CDH3: variants seen among roughly 807,000 people sequenced by gnomAD.
CDH3 encodes the protein cadherin 3, also known as cadherin-3.
A neutral mutation model predicts 82.0 loss-of-function variants in CDH3; 54 were observed. That is an observed-to-expected ratio of 0.66 (90% CI 0.53 to 0.83). CDH3 has a LOEUF of 0.83. CDH3 is among the 40% of genes least tolerant of loss of function. The probability of loss-of-function intolerance (pLI) is 0.00; values close to 1 mark genes in which losing one functional copy is unlikely to be tolerated. For missense variants in CDH3, 1,054 were observed against 1,084.6 expected, an observed-to-expected ratio of 0.97 and a Z score of 0.40; for synonymous variants, 446 against 437.9, an observed-to-expected ratio of 1.02 and a Z score of -0.23.
chr16:68,731,786 C>T (rs1962296178), downstream of CDH3, among the ~76,000 whole-genome samples: 3 of 151,740 alleles, frequency 2.0e-5, no homozygotes. Flanking sequence ...TGCAGTGAGC[C>T]GAGATTGGGC....
In CDH3 at chr16:68,678,804, G is replaced by T; in HGVS notation, c.589G>T (p.Asp197Tyr). The change falls in exon 6 of 16, where the codon GAC becomes TAC. Residue 197 changes from aspartate to tyrosine, a missense_variant. Transcript: ENST00000264012. ...GTCAGAGAATGGTGCCTCAGTGGAG[G>T]ACCCCATGAACATCTCCATCATCGT... ...AVSENGASVE[D>Y]PMNISIIVTD... 6.2e-7 allele frequency: 1 copy of T among 1,614,144 alleles called. No homozygotes were observed. The highest frequency in any genetic ancestry group is 8.5e-7 in the Non-Finnish European group (1 of 1,180,010).
chr16:68,702,029 A>G (rs1302569920), downstream of CDH3, among the ~76,000 whole-genome samples: 2 of 151,712 alleles, frequency 1.3e-5, no homozygotes, highest in African/African-American at 4.8e-5. Context: ...CATCTAAAAA[A>G]TATATATATC....
chr16:68,691,904 G>A lies in CDH3; in HGVS notation c.1980G>A (p.Leu660=), dbSNP rs745694675. The change falls in exon 13 of 16, where the codon CTG becomes CTA. Residue 660 remains leucine (L), a synonymous_variant. Coordinates refer to ENST00000264012, the MANE Select transcript of CDH3 (RefSeq NM_001793.6). ...PWKGGFILPV[L]GAVLALLFLL... ...AGGGAGGTTTCATCCTCCCTGTGCT[G>A]GGGGCTGTCCTGGCTCTGCTGTGTG... 11 of 1,612,714 alleles carry A rather than the reference G, an allele frequency of 6.8e-6. No individual in the cohort carries two copies. In the African/African-American group the frequency reaches 1.5e-4, roughly 22 times the overall value.
chr16:68,704,404 C>T (rs533670210), downstream of CDH3, among the ~76,000 whole-genome samples: 4 of 152,196 alleles, frequency 2.6e-5, no homozygotes, highest in South Asian at 4.1e-4. Flanking sequence ...CCTGCTAGCG[C>T]TCCCTTGGTG....
intron 2 of CDH3, chr16:68,646,037 G>T: frequency 4.3e-6 from 2 of 467,218 alleles, no homozygotes; most frequent in South Asian, 5.4e-5. Context: ...TCTCGACGTG[G>T]GAAGTTCTCC....
At chr16:68,701,822 G>A (rs7500768), downstream of CDH3, among the ~76,000 whole-genome samples, 22,089 of 151,530 alleles carry the variant, frequency 0.15, 1,621 homozygotes, top group Non-Finnish European at 0.17. Context: ...TCAGGAGTTC[G>A]AGACCAGCCT....
intron 9 of CDH3, among the ~76,000 whole-genome samples, chr16:68,682,734 C>T (rs1961268410): frequency 6.6e-6 from 1 of 152,188 alleles, no homozygotes; most frequent in African/African-American, 2.4e-5. Context: ...AGCCTCCTCC[C>T]AGACCACAGT....
chr16:68,687,592 C>T lies in CDH3; in HGVS notation c.1651C>T (p.Arg551Cys), dbSNP rs1347722198. The change falls in exon 12 of 16, where the codon CGT becomes TGT. Residue 551 changes from arginine (R) to cysteine (C), a missense_variant. Coordinates refer to ENST00000264012, the MANE Select transcript of CDH3 (RefSeq NM_001793.6). ...TGACCATGGCCCAGTCCCTGAGCCC[C>T]GTCAGATCACCATCTGCAACCAAAG... ...VNDHGPVPEP[R>C]QITICNQSPV... The T allele has an allele frequency of 5.0e-5, 80 of 1,613,992 alleles. No homozygotes were observed. Among genetic ancestry groups the T allele is most frequent in the East Asian group, 8.9e-5 (4 of 44,888 alleles).
chr16:68,682,265 C>A, intron 8 of CDH3, 37 bp from the exon 9 acceptor site: 6 of 1,602,942 alleles, frequency 3.7e-6, no homozygotes, highest in Non-Finnish European at 5.1e-6. Flanking sequence ...GACAGTCATT[C>A]TCTGCTCTGA....
At chr16:68,666,462 C>G (rs1960736493) in intron 2 of CDH3, among the ~76,000 whole-genome samples, 1 of 152,128 alleles carries the variant, frequency 6.6e-6, no homozygotes, top group Non-Finnish European at 1.5e-5. Flanking sequence ...GGGTGGGTCC[C>G]AAGTGAATCC....
chr16:68,694,842 G>A (rs1324165451), intron 13 of CDH3, among the ~76,000 whole-genome samples: 1 of 152,128 alleles, frequency 6.6e-6, no homozygotes, highest in Non-Finnish European at 1.5e-5. Context: ...AATCTGGTTA[G>A]ACTGACAGCA....
chr16:68,702,422 G>A (rs1961908811), downstream of CDH3, among the ~76,000 whole-genome samples: 1 of 152,112 alleles, frequency 6.6e-6, no homozygotes, highest in African/African-American at 2.4e-5. Flanking sequence ...GGGGATCGTG[G>A]TCCCGGTTGA....
chr16:68,695,996 T>C (rs745867703), intron 15 of CDH3, 73 bp downstream of exon 15: 66 of 1,534,186 alleles, frequency 4.3e-5, no homozygotes, highest in Non-Finnish European at 5.5e-5. Flanking sequence ...AGAACAAGCA[T>C]GGGCCTGGAG....
intron 2 of CDH3, among the ~76,000 whole-genome samples, chr16:68,663,660 G>A (rs1960658452): frequency 1.3e-5 from 2 of 152,122 alleles, no homozygotes; most frequent in South Asian, 2.1e-4. Flanking sequence ...CTAAGGTGGT[G>A]GGGGTAGAGA....
intron 15 of CDH3, 192 bp from the exon 16 acceptor site, chr16:68,697,999 G>A: frequency 3.0e-6 from 2 of 670,064 alleles, no homozygotes; most frequent in Middle Eastern, 3.4e-4. Context: ...CCCCTGGCCT[G>A]TGTTGCACTG....
At chr16:68,715,993 G>A (rs1216767857) in intron 1 of CDH3, among the ~76,000 whole-genome samples, 1 of 152,236 alleles carries the variant, frequency 6.6e-6, no homozygotes, top group Non-Finnish European at 1.5e-5. Flanking sequence ...CATTGGCCAG[G>A]CACTGTGGCT....
At position 68,683,884 on chromosome 16, in the gene CDH3, G is replaced by A. The variant is rs1057098294; in HGVS notation, c.1183-699G>A. Among the ~76,000 whole-genome samples the A allele has an allele frequency of 3.3e-5, 5 of 149,580 alleles. No individual in the cohort carries two copies. The Admixed American group carries it at 3.4e-4, about 10-fold the overall frequency. On this transcript the variant is annotated intron_variant, in intron 9 of 15. Transcript: ENST00000264012. ...GGAGTTCGAGACCAGCCTGGCCATC[G>A]TGGTGAAACCCGTCTCTACTAAAAA...
At chr16:68,731,393 A>ATATATATATAT (rs1434831223), downstream of CDH3, among the ~76,000 whole-genome samples, 1 of 6,598 alleles carries the variant, frequency 1.5e-4, no homozygotes, top group Non-Finnish European at 2.9e-4. Context: ...AAAAAAAAAA[A>ATATATATATAT]AAATATATAT....
At chr16:68,689,962 A>G (rs1281729747) in intron 12 of CDH3, among the ~76,000 whole-genome samples, 1 of 152,208 alleles carries the variant, frequency 6.6e-6, no homozygotes, top group Non-Finnish European at 1.5e-5. Context: ...AAACTTCCAC[A>G]CAGGCTAACA....
Sources: allele counts gnomAD v4.1 joint callset (sites outside exome capture counted in the v4.1 genomes callset), GRCh38; gene constraint gnomAD v4.1.1; transcripts MANE v1.5; gene names NCBI Gene and HGNC (gene_info 2026-07-23, HGNC 2026-07-21).